Variants in PPP4R3B observed in about 807,000 individuals in gnomAD.
The protein encoded by PPP4R3B is protein phosphatase 4 regulatory subunit 3B.
Under a neutral mutation model 95.4 loss-of-function variants are expected in PPP4R3B, and 52 were observed. The ratio of observed to expected loss-of-function variants is 0.54; its 90% CI spans 0.44 to 0.69. The LOEUF (loss-of-function observed/expected upper bound fraction) is 0.69. Ranked by LOEUF, PPP4R3B falls within the 30% of genes least tolerant of loss-of-function variation. The pLI, the probability that PPP4R3B is intolerant of heterozygous loss-of-function variation, is 0.00. For synonymous variants in PPP4R3B, 407 were observed against 343.9 expected (o/e 1.18, Z -2.03); for missense variants, 1,003 against 1,005.9 (o/e 1.00, Z 0.04).
intron 2 of PPP4R3B, among the ~76,000 whole-genome samples, chr2:55,613,765 C>CTACATTAAG (rs1694518303): frequency 6.9e-6 from 1 of 145,796 alleles, no homozygotes; most frequent in East Asian, 2.0e-4. Flanking sequence ...CATTTAAGAA[C>CTACATTAAG]AAAGTTCCTG....
In PPP4R3B at chr2:55,573,808, A is replaced by T. The variant is rs772523703; in HGVS notation, c.1607-31T>A. 3 of 1,342,250 alleles carry T rather than the reference A, an allele frequency of 2.2e-6. No individual in the cohort carries two copies. In the African/African-American group the frequency reaches 4.5e-5, roughly 20 times the overall value. The allele number at this position is 1,342,250 out of a possible 1,614,324, so 83.1% of individuals were successfully genotyped here. ...AAAGAAAGTAATCTCATGAAAATAA[A>T]TATTGAATATATCTAAATAAAGAAT... On this transcript the variant is annotated intron_variant, in intron 11 of 16. Transcript: ENST00000616407.
chr2:55,572,900 A>G (rs1253344538), intron 12 of PPP4R3B, among the ~76,000 whole-genome samples: 2 of 152,174 alleles, frequency 1.3e-5, no homozygotes, highest in African/African-American at 4.8e-5. Flanking sequence ...ATTAGTCTAT[A>G]CAATATTGAT....
At chr2:55,599,117 A>G (rs1349729281) in intron 3 of PPP4R3B, 78 bp from the exon 4 acceptor site, 1 of 1,301,656 alleles carries the variant, frequency 7.7e-7, no homozygotes, top group East Asian at 2.4e-5. Flanking sequence ...ATCATTTGGA[A>G]ATGCCTGGCT....
rs767595696 is a variant in PPP4R3B at position 55,579,824 on chromosome 2, A to G, written c.1366-43T>C. 4.0e-5 allele frequency: 51 copies of G among 1,285,464 alleles called. No individual in the cohort carries two copies. The East Asian group carries it at 1.2e-3, about 30-fold the overall frequency. 79.6% of individuals were successfully genotyped at this position (1,285,464 alleles called of 1,614,324 possible). ...TTAAACAATACTGTTACTTATGTAA[A>G]TAAAAACATCTTCAAGATTAGCAGT... On this transcript the variant is annotated intron_variant, in intron 8 of 16. Coordinates refer to ENST00000616407, the MANE Select transcript of PPP4R3B (RefSeq NM_001122964.3).
chr2:55,560,710 G>C (rs1409810853), intron 15 of PPP4R3B, among the ~76,000 whole-genome samples: 2 of 146,562 alleles, frequency 1.4e-5, no homozygotes, highest in Non-Finnish European at 3.0e-5. Flanking sequence ...CTGGGAGGCA[G>C]AGGTTGCAGT....
In PPP4R3B at chr2:55,561,376, G is replaced by A. The variant is rs1471394552; in HGVS notation, c.2261-2408C>T. The stretch of plus-strand genomic sequence containing the variant: ...GAACCTCTACTAGGGCAGTGCGGAA[G>A]GGAAATGTGAGGTTGGAGCCCCCAC... On this transcript the variant is annotated intron_variant, in intron 15 of 16. Coordinates refer to ENST00000616407, the MANE Select transcript of PPP4R3B (RefSeq NM_001122964.3). Among the ~76,000 whole-genome samples the A allele has an allele frequency of 4.6e-5, 7 of 152,372 alleles. No individual in the cohort carries two copies. The East Asian group carries it at 1.3e-3, about 29-fold the overall frequency.
chr2:55,614,123 G>C (rs745805753), intron 2 of PPP4R3B: 14 of 152,170 alleles, frequency 9.2e-5, no homozygotes, highest in Non-Finnish European at 1.6e-4. Flanking sequence ...AACTGATTAA[G>C]AATGTGTTAT....
chr2:55,578,435 G>A (rs998617200), intron 9 of PPP4R3B, 93 bp from the exon 10 acceptor site: 1 of 1,137,468 alleles, frequency 8.8e-7, no homozygotes, highest in South Asian at 4.6e-5. Flanking sequence ...CTGTAAGCTG[G>A]AAGTGTTTTA....
At chr2:55,557,380 A>G (rs1438746694) in intron 16 of PPP4R3B, among the ~76,000 whole-genome samples, 1 of 152,092 alleles carries the variant, frequency 6.6e-6, no homozygotes, top group Non-Finnish European at 1.5e-5. Flanking sequence ...TTTTGTAGAG[A>G]TGGGGTCTCA....
chr2:55,604,184 C>T (rs1693063535), intron 2 of PPP4R3B, 108 bp from the exon 3 acceptor site: 11 of 663,036 alleles, frequency 1.7e-5, no homozygotes, highest in East Asian at 3.0e-5. Context: ...ACAAATGCCC[C>T]GATATGAGTA....
chr2:55,565,073 T>C (rs1687114436), intron 13 of PPP4R3B, 32 bp from the exon 14 acceptor site: 1 of 1,489,902 alleles, frequency 6.7e-7, no homozygotes. Flanking sequence ...ATTTAAAATA[T>C]AATACAATGC....
chr2:55,551,502 G>C (rs1015472618), intron 16 of PPP4R3B, among the ~76,000 whole-genome samples: 1 of 152,090 alleles, frequency 6.6e-6, no homozygotes, highest in African/African-American at 2.4e-5. Flanking sequence ...TGTAATCCTA[G>C]CATTTTGGGA....
chr2:55,594,808 C>G (rs1691537383), intron 4 of PPP4R3B, among the ~76,000 whole-genome samples: 1 of 151,982 alleles, frequency 6.6e-6, no homozygotes. Flanking sequence ...TAAAAAGAAC[C>G]TGATATGTAC....
chr2:55,597,253 G>C (rs185924604), intron 4 of PPP4R3B, among the ~76,000 whole-genome samples: 3 of 152,034 alleles, frequency 2.0e-5, no homozygotes, highest in Non-Finnish European at 2.9e-5. Flanking sequence ...TTGGGAGGCC[G>C]GGGCAGGTGG....
At chr2:55,586,043 T>G (rs1390320386) in intron 6 of PPP4R3B, among the ~76,000 whole-genome samples, 1 of 152,040 alleles carries the variant, frequency 6.6e-6, no homozygotes, top group African/African-American at 2.4e-5. Context: ...AAAAAAAAAG[T>G]AAAAAACGGT....
Position 55,573,646 on chromosome 2 carries a change from T to G in PPP4R3B, c.1738A>C (p.Asn580His). Residue 580 changes from asparagine (N) to histidine (H), a missense_variant, in exon 12 of 17, where the codon AAT becomes CAT. Coordinates refer to ENST00000616407, the MANE Select transcript of PPP4R3B (RefSeq NM_001122964.3). ...DLLRRVLVLM[N>H]SKHTFLALCA... ...AAGGCCAGAAAAGTGTGCTTTGAAT[T>G]CATCAAGACCAAGACTCTTCTTAGC... The G allele has an allele frequency of 6.5e-7, 1 of 1,540,906 alleles. No homozygotes were observed. Among genetic ancestry groups the G allele is most frequent in the Non-Finnish European group, 8.7e-7 (1 of 1,144,096 alleles).
intron 2 of PPP4R3B, among the ~76,000 whole-genome samples, chr2:55,609,308 C>T (rs1379094606): frequency 6.6e-6 from 1 of 152,250 alleles, no homozygotes; most frequent in South Asian, 2.1e-4. Flanking sequence ...TACTGGCATG[C>T]TAGGCCTTTT....
chr2:55,608,012 CTT>C (rs907269571), intron 2 of PPP4R3B, among the ~76,000 whole-genome samples: 13 of 152,060 alleles, frequency 8.5e-5, no homozygotes, highest in Non-Finnish European at 1.6e-4. Context: ...TTCTTTTGCT[CTT>C]CTTTTTTTTG....
chr2:55,605,783 A>G (rs1417182125), intron 2 of PPP4R3B, among the ~76,000 whole-genome samples: 8 of 151,896 alleles, frequency 5.3e-5, no homozygotes, highest in East Asian at 1.9e-4. Context: ...GCGCGTGCCT[A>G]TAGTCCCAGC....
Sources: allele counts gnomAD v4.1 joint callset (sites outside exome capture counted in the v4.1 genomes callset), GRCh38; gene constraint gnomAD v4.1.1; transcripts MANE v1.5; gene names NCBI Gene and HGNC (gene_info 2026-07-23, HGNC 2026-07-21).